Variants in GALNT14 observed in about 807,000 individuals in gnomAD.
The protein encoded by GALNT14 is polypeptide N-acetylgalactosaminyltransferase 14.
Under a neutral mutation model 77.5 loss-of-function variants are expected in GALNT14, and 60 were observed. That is an observed-to-expected ratio of 0.77 (90% CI 0.63 to 0.96). The LOEUF is 0.96. Ranked by LOEUF, GALNT14 falls within the 40% of genes least tolerant of loss-of-function variation. The pLI, the probability that GALNT14 is intolerant of heterozygous loss-of-function variation, is 0.00. For synonymous variants in GALNT14, 280 were observed against 281.7 expected (o/e 0.99, Z 0.06); for missense variants, 710 against 731.0 (o/e 0.97, Z 0.33).
chr2:30,900,436 T>C, the GALNT14 span, among the ~76,000 whole-genome samples: 1 of 152,266 alleles, frequency 6.6e-6, no homozygotes, highest in African/African-American at 2.4e-5. Flanking sequence ...CTGCTTTTGC[T>C]GTCTTTTTAA....
At chr2:31,035,287 C>CAT (rs1462441120) in intron 1 of GALNT14, among the ~76,000 whole-genome samples, 1 of 152,014 alleles carries the variant, frequency 6.6e-6, no homozygotes, top group African/African-American at 2.4e-5. Context: ...CCATTAGATG[C>CAT]ATATATGTTC....
rs1181788023 is a variant in GALNT14 at position 31,130,783 on chromosome 2, T to TGTGTGC, written c.129+7174_129+7175insGCACAC. Among the ~76,000 whole-genome samples the TGTGTGC allele has an allele frequency of 5.5e-3, 649 of 118,416 alleles. 6 individuals are homozygous for TGTGTGC. Among genetic ancestry groups the TGTGTGC allele is most frequent in the African/African-American group, 0.013 (362 of 27,282 alleles). 77.7% of individuals were successfully genotyped at this position (118,416 alleles called of 152,430 possible). A position where few individuals can be genotyped will look rare whatever the true frequency, so the allele number is the denominator to read the frequency against. On this transcript the variant is annotated intron_variant, in intron 1 of 14. Coordinates refer to ENST00000349752, the MANE Select transcript of GALNT14 (RefSeq NM_024572.4). Reference sequence around the variant, plus strand: ...GTGTGTGTGTGTGTGTGTGTGTGTGTGCGCGCGCACCTGTGTGTGTGCCTG... The same window carrying TGTGTGC: ...GTGTGTGTGTGTGTGTGTGTGTGTGTGTGTGCGCGCGCGCACCTGTGTGTGTGCCTG...
intron 1 of GALNT14, among the ~76,000 whole-genome samples, chr2:31,007,194 C>G (rs1670730607): frequency 6.6e-6 from 1 of 152,144 alleles, no homozygotes; most frequent in Admixed American, 6.5e-5. Flanking sequence ...CTGCCTCAAC[C>G]AAGGGCGGGT....
At chr2:30,945,280 G>A (rs1666620378) in intron 7 of GALNT14, among the ~76,000 whole-genome samples, 1 of 152,224 alleles carries the variant, frequency 6.6e-6, no homozygotes, top group African/African-American at 2.4e-5. Flanking sequence ...TGAGTCTCAG[G>A]AAGGTGTGAG....
intron 9 of GALNT14, among the ~76,000 whole-genome samples, chr2:30,941,965 T>G (rs1666400526): frequency 6.6e-6 from 1 of 152,202 alleles, no homozygotes; most frequent in Non-Finnish European, 1.5e-5. Context: ...GTTCTCAACA[T>G]CCATGCAGCC....
chr2:30,922,972 G>T (rs956667552), intron 13 of GALNT14, among the ~76,000 whole-genome samples: 1 of 151,902 alleles, frequency 6.6e-6, no homozygotes, highest in Non-Finnish European at 1.5e-5. Context: ...AAAGAACAGT[G>T]AGCTGGGAAC....
intron 1 of GALNT14, among the ~76,000 whole-genome samples, chr2:31,002,169 C>T (rs889010175): frequency 6.6e-6 from 1 of 152,210 alleles, no homozygotes; most frequent in Non-Finnish European, 1.5e-5. Flanking sequence ...TGACTCACCC[C>T]TGTAATCCCA....
chr2:30,924,348 T>C (rs1048215707), intron 12 of GALNT14, 85 bp from the exon 13 acceptor site: 3 of 1,430,718 alleles, frequency 2.1e-6, no homozygotes, highest in South Asian at 2.4e-5. Flanking sequence ...GGCAGTGTTC[T>C]GAGAATGGCA....
intron 1 of GALNT14, among the ~76,000 whole-genome samples, chr2:31,011,170 C>T (rs1671007230): frequency 6.6e-6 from 1 of 152,216 alleles, no homozygotes; most frequent in African/African-American, 2.4e-5. Flanking sequence ...TAACCTCTCT[C>T]CCTCAACTGA....
At chr2:31,103,886 G>C (rs982353542) in intron 1 of GALNT14, among the ~76,000 whole-genome samples, 1 of 152,142 alleles carries the variant, frequency 6.6e-6, no homozygotes, top group African/African-American at 2.4e-5. Context: ...TTTGTTGACT[G>C]AAGTTCACCC....
At chr2:30,989,666 ATT>A (rs1422365755) in intron 2 of GALNT14, among the ~76,000 whole-genome samples, 6 of 121,150 alleles carry the variant, frequency 5.0e-5, no homozygotes. Context: ...AAATATATAT[ATT>A]AGTATATATA....
Position 30,910,980 on chromosome 2 carries a change from G to A in GALNT14, c.1580C>T (p.Thr527Ile), listed in dbSNP as rs778608668. The change falls in exon 15 of 15, where the codon ACC becomes ATC. Residue 527 changes from threonine to isoleucine, a missense_variant. Coordinates refer to ENST00000349752, the MANE Select transcript of GALNT14 (RefSeq NM_024572.4). Reference protein sequence around the residue: ...CLDTDMFGDGTENGKEIVVNP... With the variant: ...CLDTDMFGDGIENGKEIVVNP... Reference sequence around the variant, plus strand: ...GACGACGATTTCCTTGCCGTTCTCGGTGCCATCACCGAACATATCTGTATC... The same window carrying A: ...GACGACGATTTCCTTGCCGTTCTCGATGCCATCACCGAACATATCTGTATC... 4.3e-6 allele frequency: 7 copies of A among 1,613,962 alleles called. No individual in the cohort carries two copies. The Admixed American group carries it at 6.7e-5, about 15-fold the overall frequency.
chr2:31,060,441 G>T (rs998469540), intron 1 of GALNT14, among the ~76,000 whole-genome samples: 1 of 152,208 alleles, frequency 6.6e-6, no homozygotes, highest in African/African-American at 2.4e-5. Flanking sequence ...CGGAGGGAAA[G>T]AACTGATTAT....
At chr2:30,904,017 A>G in the GALNT14 span, among the ~76,000 whole-genome samples, 1 of 152,224 alleles carries the variant, frequency 6.6e-6, no homozygotes, top group Admixed American at 6.5e-5. Flanking sequence ...AAGCCCTAGC[A>G]GCCAGAGAGA....
intron 3 of GALNT14, among the ~76,000 whole-genome samples, chr2:30,959,819 T>A (rs1667577587): frequency 6.6e-6 from 1 of 152,196 alleles, no homozygotes; most frequent in South Asian, 2.1e-4. Context: ...TGGATCCTGC[T>A]TCTCCTGAAC....
At chr2:30,943,594 T>C (rs548636995) in intron 8 of GALNT14, among the ~76,000 whole-genome samples, 75 of 152,294 alleles carry the variant, frequency 4.9e-4, no homozygotes, top group Middle Eastern at 3.4e-3. Flanking sequence ...GAAAACCCCA[T>C]GGGAGCTGCA....
chr2:31,087,912 A>G (rs181762291), intron 1 of GALNT14, among the ~76,000 whole-genome samples: 5 of 152,176 alleles, frequency 3.3e-5, no homozygotes, highest in African/African-American at 1.2e-4. Context: ...GTGCCTGTAT[A>G]AAAAGAGACT....
chr2:31,073,762 G>A (rs1024008603), intron 1 of GALNT14, among the ~76,000 whole-genome samples: 15 of 152,176 alleles, frequency 9.9e-5, no homozygotes, highest in Non-Finnish European at 1.8e-4. Context: ...ACAGCCACTG[G>A]AGGGTTGTGA....
At chr2:30,970,762 A>T (rs1178576610) in intron 2 of GALNT14, among the ~76,000 whole-genome samples, 1 of 152,098 alleles carries the variant, frequency 6.6e-6, no homozygotes, top group Non-Finnish European at 1.5e-5. Flanking sequence ...CAGGGAGGGC[A>T]GGTAGTGGGG....
Sources: gnomAD v4.1 joint callset for allele counts (sites outside exome capture counted in the v4.1 genomes callset) on GRCh38, gnomAD v4.1.1 for gene constraint, MANE v1.5 for transcripts, NCBI Gene and HGNC (gene_info 2026-07-23, HGNC 2026-07-21) for gene names.